Variants in MRE11 observed in about 807,000 individuals in gnomAD.
MRE11 encodes double-strand break repair protein MRE11.
A neutral mutation model predicts 91.7 loss-of-function variants in MRE11; 62 were observed. The ratio of observed to expected loss-of-function variants is 0.68; its 90% confidence interval spans 0.55 to 0.84. The LOEUF (loss-of-function observed/expected upper bound fraction) is 0.84, where lower values mean the gene tolerates loss of function less well. Among genes scored for constraint, MRE11 ranks in the 40% least tolerant of loss-of-function variants. MRE11 has a pLI of 0.00. For missense variants in MRE11, 796 were observed against 852.9 expected, an observed-to-expected ratio of 0.93 and a Z score of 0.83; for synonymous variants, 273 against 271.4, an observed-to-expected ratio of 1.01 and a Z score of -0.06.
chr11:94,463,147 A>C (rs1264220885), intron 11 of MRE11, among the ~76,000 whole-genome samples: 1 of 152,248 alleles, frequency 6.6e-6, no homozygotes, highest in Non-Finnish European at 1.5e-5. Flanking sequence ...TCTCAAAAGA[A>C]GACATTTATG....
At chr11:94,432,340 C>T (rs1398057517) in intron 18 of MRE11, among the ~76,000 whole-genome samples, 3 of 152,196 alleles carry the variant, frequency 2.0e-5, no homozygotes, top group Non-Finnish European at 4.4e-5. Flanking sequence ...GGATTTTTCT[C>T]ATGTCTTTAT....
In MRE11 at chr11:94,490,869, T is replaced by C; in HGVS notation, c.117A>G (p.Thr39=). The C allele has an allele frequency of 6.2e-7, 1 of 1,613,586 alleles. No individual in the cohort carries two copies. Among genetic ancestry groups the C allele is most frequent in the Non-Finnish European group, 8.5e-7 (1 of 1,179,756 alleles). The change falls in exon 3 of 20, where the codon ACA becomes ACG. Residue 39 remains threonine, a synonymous_variant. Coordinates refer to ENST00000323929, the MANE Select transcript of MRE11 (RefSeq NM_005591.4). ...GGGCAAGTCTTAAAATTTCATCGAG[T>C]GTTACAAACGTATCATTTCCTCTGA... ...DAVRGNDTFV[T]LDEILRLAQE...
chr11:94,419,002 A>C lies in MRE11; in HGVS notation c.*1123T>G, dbSNP rs560382499. 8.6e-6 allele frequency: 2 copies of C among 231,588 alleles called. No homozygotes were observed. The highest frequency in any genetic ancestry group is 1.2e-4 in the East Asian group (2 of 16,236). The allele number at this position is 231,588 out of a possible 1,614,324, so 14.3% of individuals were successfully genotyped here. ...GAAATGTCGGGCCATTGTACTCCCA[A>C]GATGTATAACTTGAATTTTAAAGTA... On this transcript the variant is annotated 3_prime_UTR_variant, in exon 20 of 20. Coordinates refer to ENST00000323929, the MANE Select transcript of MRE11 (RefSeq NM_005591.4).
At chr11:94,498,334 C>A, upstream of MRE11, 1 of 1,613,790 alleles carries the variant, frequency 6.2e-7, no homozygotes, top group Non-Finnish European at 8.5e-7. Flanking sequence ...CAAAAGGCCT[C>A]TTGACCCCCT....
rs571598346 is a variant in MRE11 at position 94,464,690 on chromosome 11, C to G, written c.1099-451G>C. Among the ~76,000 whole-genome samples the G allele has an allele frequency of 7.2e-5, 11 of 152,258 alleles. No homozygotes were observed. The South Asian group carries it at 8.3e-4, about 11-fold the overall frequency. On this transcript the variant is annotated intron_variant, in intron 10 of 19. Coordinates refer to ENST00000323929, the MANE Select transcript of MRE11 (RefSeq NM_005591.4). ...AGAGAAAGATGAATGCTAGGAACAT[C>G]CAGGTAATAAAGAATCAAATCTGTG... is the stretch of plus-strand genomic sequence containing the variant.
intron 19 of MRE11, among the ~76,000 whole-genome samples, chr11:94,423,536 G>A (rs1465383403): frequency 6.6e-6 from 1 of 152,250 alleles, no homozygotes; most frequent in African/African-American, 2.4e-5. Flanking sequence ...TGCTGGGGCA[G>A]GCCAGCCTGG....
chr11:94,488,239 GT>G (rs563585943), intron 3 of MRE11, among the ~76,000 whole-genome samples: 1 of 152,092 alleles, frequency 6.6e-6, no homozygotes, highest in Non-Finnish European at 1.5e-5. Context: ...TTGGCCACAA[GT>G]TTTTTTGCCT....
At chr11:94,432,837 CAA>C (rs2134812052) in intron 18 of MRE11, among the ~76,000 whole-genome samples, 1 of 152,250 alleles carries the variant, frequency 6.6e-6, no homozygotes, top group East Asian at 1.9e-4. Flanking sequence ...CGAAACAAAA[CAA>C]AACAAAAACC....
At chr11:94,480,159 T>C (rs902542714) in intron 4 of MRE11, among the ~76,000 whole-genome samples, 4 of 152,200 alleles carry the variant, frequency 2.6e-5, no homozygotes, top group African/African-American at 7.2e-5. Context: ...CTATCACTTA[T>C]TGCCTGTTCA....
At chr11:94,447,975 G>A (rs1020248555) in intron 14 of MRE11, among the ~76,000 whole-genome samples, 1 of 152,014 alleles carries the variant, frequency 6.6e-6, no homozygotes, top group South Asian at 2.1e-4. Context: ...GGTTTACCAA[G>A]AAAAATAAAA....
In MRE11 at chr11:94,436,745, A is replaced by G. The variant is rs13447716; in HGVS notation, c.1926+432T>C. On this transcript the variant is annotated intron_variant, in intron 17 of 19. Coordinates refer to ENST00000323929, the MANE Select transcript of MRE11 (RefSeq NM_005591.4). ...CCAGGCTAAACCTAGGGCAAACCAC[A>G]TGGATCGCTGGACTCCAGCCTTTTC... is the stretch of plus-strand genomic sequence containing the variant. Among the ~76,000 whole-genome samples the G allele has an allele frequency of 2.5e-3, 381 of 152,308 alleles. 2 individuals are homozygous for G. Among genetic ancestry groups the G allele is most frequent in the African/African-American group, 8.8e-3 (365 of 41,560 alleles).
intron 14 of MRE11, among the ~76,000 whole-genome samples, chr11:94,453,062 TAAGTA>T (rs1239187772): frequency 6.6e-6 from 1 of 152,220 alleles, no homozygotes; most frequent in Non-Finnish European, 1.5e-5. Flanking sequence ...GTACCTCATA[TAAGTA>T]GAGTCATATA....
intron 4 of MRE11, among the ~76,000 whole-genome samples, chr11:94,482,575 G>A (rs1377483501): frequency 6.6e-5 from 10 of 152,140 alleles, no homozygotes; most frequent in Non-Finnish European, 1.5e-5. Flanking sequence ...ATATAGGGTG[G>A]GGAAACAGTT....
In MRE11 at chr11:94,476,361, T is replaced by C. The variant is rs376895161; in HGVS notation, c.587A>G (p.Lys196Arg). The C allele has an allele frequency of 6.2e-7, 1 of 1,613,134 alleles. No homozygotes were observed. Among genetic ancestry groups the C allele is most frequent in the Non-Finnish European group, 8.5e-7 (1 of 1,179,398 alleles). Residue 196 changes from lysine (K) to arginine (R), a missense_variant, in exon 7 of 20, where the codon AAA (lysine) becomes AGA (arginine). Lys to Arg is a conservative substitution (Grantham distance 26). Coordinates refer to ENST00000323929, the MANE Select transcript of MRE11 (RefSeq NM_005591.4). Reference sequence around the variant, plus strand: ...CTTTGGTCTCAACATTGTTACTTTTTTATTGACAAACATTCGATAGAGCCT... The same window carrying C: ...CTTTGGTCTCAACATTGTTACTTTTCTATTGACAAACATTCGATAGAGCCT... ...DERLYRMFVN[K>R]KVTMLRPKED...
intron 14 of MRE11, among the ~76,000 whole-genome samples, chr11:94,454,061 T>C (rs1369226602): frequency 6.6e-6 from 1 of 151,488 alleles, no homozygotes; most frequent in Non-Finnish European, 1.5e-5. Context: ...AGTTTTTCTA[T>C]GTGAACAAAA....
intron 19 of MRE11, 65 bp downstream of exon 19, chr11:94,429,846 G>T (rs2134789258): frequency 7.4e-7 from 1 of 1,357,864 alleles, no homozygotes; most frequent in Admixed American, 2.0e-5. Flanking sequence ...CAACTAGCTG[G>T]CAGTCTCTAT....
At chr11:94,467,684 C>T (rs1031603938) in intron 10 of MRE11, 129 bp downstream of exon 10, 2 of 749,164 alleles carry the variant, frequency 2.7e-6, no homozygotes, top group East Asian at 5.5e-5. Context: ...TTTGTTTTTG[C>T]CTCCGATGGT....
At chr11:94,456,188 A>G in intron 14 of MRE11, 88 bp downstream of exon 14, 1 of 1,257,436 alleles carries the variant, frequency 8.0e-7, no homozygotes, top group South Asian at 1.2e-5. Context: ...CCCTAGACCT[A>G]TGGACTGACT....
intron 13 of MRE11, among the ~76,000 whole-genome samples, chr11:94,458,642 C>A (rs1189037135): frequency 6.6e-6 from 1 of 152,076 alleles, no homozygotes; most frequent in East Asian, 1.9e-4. Flanking sequence ...ATATACTCTG[C>A]CAAACTGCTT....
Sources: gnomAD v4.1 joint callset for allele counts (sites outside exome capture counted in the v4.1 genomes callset) on GRCh38, gnomAD v4.1.1 for gene constraint, MANE v1.5 for transcripts, NCBI Gene and HGNC (gene_info 2026-07-23, HGNC 2026-07-21) for gene names.